Variants in MYBPC1 observed in about 807,000 individuals in gnomAD.
The protein encoded by MYBPC1 is myosin-binding protein C, slow-type.
MYBPC1 carries 52 observed loss-of-function variants against 147.1 expected under a neutral mutation model. The ratio of observed to expected loss-of-function variants is 0.35; its 90% CI spans 0.28 to 0.45. MYBPC1 has a LOEUF of 0.45. Among genes scored for constraint, MYBPC1 ranks in the 20% least tolerant of loss-of-function variants. The probability of loss-of-function intolerance (pLI) is 1.00; values close to 1 mark genes in which losing one functional copy is unlikely to be tolerated. For synonymous variants in MYBPC1, 477 were observed against 475.9 expected, an observed-to-expected ratio of 1.00 and a Z score of -0.03; for missense variants, 1,228 against 1,440.3, an observed-to-expected ratio of 0.85 and a Z score of 2.39.
In MYBPC1 at chr12:101,667,884, G is replaced by C. The variant is rs201488969; in HGVS notation, c.2509G>C (p.Val837Leu). The change falls in exon 23 of 32, where the codon GTG becomes CTG. Residue 837 changes from valine to leucine, a missense_variant. Around this residue, in one of 2 missense-constraint regions of MYBPC1, gnomAD observed 1,077 missense variants for 1,314.2 expected, o/e 0.82. Coordinates refer to ENST00000361466, the MANE Select transcript of MYBPC1 (RefSeq NM_002465.4). Reference protein sequence around the residue: ...EPKYYSQPILVKEIIEPPKIR... With the variant: ...EPKYYSQPILLKEIIEPPKIR... The stretch of plus-strand genomic sequence containing the variant: ...CAAGTACTATTCTCAGCCCATTCTC[G>C]TGAAGGAAATCATAGGTAGGAGACA... 1.9e-6 allele frequency: 3 copies of C among 1,613,900 alleles called. No homozygotes were observed. Among genetic ancestry groups the C allele is most frequent in the African/African-American group, 1.3e-5 (1 of 74,924 alleles).
At chr12:101,617,731 C>A (rs1886464452) in intron 3 of MYBPC1, among the ~76,000 whole-genome samples, 1 of 152,132 alleles carries the variant, frequency 6.6e-6, no homozygotes, top group Non-Finnish European at 1.5e-5. Flanking sequence ...TACAGATACA[C>A]AATATAACAT....
intron 12 of MYBPC1, among the ~76,000 whole-genome samples, chr12:101,646,208 A>G (rs1893084834): frequency 6.6e-6 from 1 of 152,206 alleles, no homozygotes; most frequent in African/African-American, 2.4e-5. Flanking sequence ...TTGAAATAAA[A>G]ACCTTATGTA....
chr12:101,614,325 T>G (rs825079), intron 1 of MYBPC1, among the ~76,000 whole-genome samples, 171 bp from the exon 2 acceptor site: 1 of 140,110 alleles, frequency 7.1e-6, no homozygotes, highest in Non-Finnish European at 1.5e-5. Context: ...TGTGTGTGTG[T>G]GAGAGAGAGA....
chr12:101,649,825 G>A (rs1159435613), intron 15 of MYBPC1, among the ~76,000 whole-genome samples: 1 of 152,222 alleles, frequency 6.6e-6, no homozygotes, highest in Admixed American at 6.5e-5. Context: ...GGGCTCAATT[G>A]AGAAGATTGT....
chr12:101,688,232 A>G (rs1208442608), downstream of MYBPC1, among the ~76,000 whole-genome samples: 1 of 152,076 alleles, frequency 6.6e-6, no homozygotes, highest in Admixed American at 6.5e-5. Context: ...GCAGCTATGC[A>G]GCATGGTGAA....
intron 31 of MYBPC1, 54 bp downstream of exon 31, chr12:101,684,478 C>A: frequency 1.5e-6 from 2 of 1,358,564 alleles, no homozygotes; most frequent in South Asian, 1.2e-5. Flanking sequence ...ATAAGCCATA[C>A]CAAGCCTGTG....
At chr12:101,626,837 T>C in intron 3 of MYBPC1, 35 bp from the exon 4 acceptor site, 4 of 1,579,266 alleles carry the variant, frequency 2.5e-6, no homozygotes, top group Non-Finnish European at 8.7e-7. Context: ...TGAAGTCTTT[T>C]CTCCTTGACT....
intron 18 of MYBPC1, among the ~76,000 whole-genome samples, chr12:101,658,203 A>T (rs1309686136): frequency 6.6e-6 from 1 of 152,128 alleles, no homozygotes; most frequent in Non-Finnish European, 1.5e-5. Context: ...AGACCAAGTG[A>T]AACTCACTCT....
chr12:101,634,719 C>A, intron 9 of MYBPC1, 114 bp downstream of exon 9: 1 of 852,094 alleles, frequency 1.2e-6, no homozygotes, highest in Non-Finnish European at 1.9e-6. Flanking sequence ...ACACTTTTCA[C>A]CGCAAAAACA....
At chr12:101,650,824 T>C (rs1356778932) in intron 15 of MYBPC1, 3 of 252,458 alleles carry the variant, frequency 1.2e-5, no homozygotes, top group Non-Finnish European at 2.3e-5. Flanking sequence ...ACAGAATTAA[T>C]GCTGGAAGTG....
At chr12:101,644,829 C>T in intron 12 of MYBPC1, 33 bp downstream of exon 12, 1 of 1,600,746 alleles carries the variant, frequency 6.2e-7, no homozygotes, top group Non-Finnish European at 8.6e-7. Context: ...AGTGATAGCT[C>T]TACAGTAAAT....
At chr12:101,603,790 A>C (rs752839762) in intron 1 of MYBPC1, among the ~76,000 whole-genome samples, 13 of 152,276 alleles carry the variant, frequency 8.5e-5, no homozygotes, top group Non-Finnish European at 1.3e-4. Context: ...TACAAAAATT[A>C]TCTGGATGTG....
rs141320498 is a variant in MYBPC1, at chr12:101,620,976, G to A, written c.103+3733G>A. 0.011 allele frequency among the ~76,000 whole-genome samples: 1,615 copies of A among 152,276 alleles called. 48 individuals are homozygous for A. In the South Asian group the frequency reaches 0.12, roughly 11 times the overall value. The stretch of plus-strand genomic sequence containing the variant: ...AATATCTCACATAACCTGAGATGAA[G>A]TCTTTCTTTTTCATGAATGTGACTG... On this transcript the variant is annotated intron_variant, in intron 3 of 31. Coordinates refer to ENST00000361466, the MANE Select transcript of MYBPC1 (RefSeq NM_002465.4).
At chr12:101,655,300 C>A (rs1895346039) in intron 18 of MYBPC1, among the ~76,000 whole-genome samples, 1 of 151,532 alleles carries the variant, frequency 6.6e-6, no homozygotes, top group African/African-American at 2.4e-5. Flanking sequence ...ATAAAAAGAT[C>A]CAAATCTAAT....
chr12:101,622,903 C>T (rs1011046956), intron 3 of MYBPC1, among the ~76,000 whole-genome samples: 7 of 152,158 alleles, frequency 4.6e-5, no homozygotes, highest in African/African-American at 9.7e-5. Flanking sequence ...GTGATCTAGA[C>T]GAAGACTATT....
In MYBPC1 at chr12:101,670,123, C is replaced by CCA. The variant is rs58177042; in HGVS notation, c.2525-167_2525-166dup. ...CTGTTAAAACATCTCTGTGTGGAAA[C>CCA]CACACACACACACACACACACACAC... is the stretch of plus-strand genomic sequence containing the variant. On this transcript the variant is annotated intron_variant, in intron 23 of 31. Coordinates refer to ENST00000361466, the MANE Select transcript of MYBPC1 (RefSeq NM_002465.4). 0.097 allele frequency among the ~76,000 whole-genome samples: 14,216 copies of CCA among 146,188 alleles called. 1,700 individuals carry two copies. The highest frequency in any genetic ancestry group is 0.29 in the African/African-American group (11,597 of 39,606).
intron 18 of MYBPC1, among the ~76,000 whole-genome samples, chr12:101,659,090 C>T (rs761365501): frequency 6.6e-6 from 1 of 152,036 alleles, no homozygotes; most frequent in Non-Finnish European, 1.5e-5. Flanking sequence ...GAGGCTCAAC[C>T]TCGCTCTGTC....
intron 21 of MYBPC1, 64 bp from the exon 22 acceptor site, chr12:101,663,362 A>G (rs918869363): frequency 2.8e-6 from 4 of 1,429,144 alleles, no homozygotes; most frequent in African/African-American, 2.8e-5. Flanking sequence ...TGGTTTTATC[A>G]CAGTTCCTGC....
chr12:101,666,686 T>G, intron 22 of MYBPC1: 2 of 1,416,992 alleles, frequency 1.4e-6, no homozygotes, highest in Non-Finnish European at 2.0e-6. Context: ...GCTGATACGA[T>G]ATTATTCTGG....
Sources: allele counts gnomAD v4.1 joint callset (sites outside exome capture counted in the v4.1 genomes callset), GRCh38; gene constraint gnomAD v4.1.1; regional missense constraint gnomAD v4.1.1; transcripts MANE v1.5; gene names NCBI Gene and HGNC (gene_info 2026-07-23, HGNC 2026-07-21).